PCDH15: variants seen among roughly 807,000 people sequenced by gnomAD.
The protein encoded by PCDH15 is protocadherin related 15.
PCDH15 carries 129 observed loss-of-function variants against 178.5 expected under a neutral mutation model. The observed-to-expected ratio is 0.72, with a 90% CI of 0.63 to 0.84. The LOEUF is 0.84. Ranked by LOEUF, PCDH15 falls within the 40% of genes least tolerant of loss-of-function variation. PCDH15 has a pLI of 0.00. For missense variants in PCDH15, 2,230 were observed against 2,099.9 expected, an observed-to-expected ratio of 1.06 and a Z score of -1.21; for synonymous variants, 800 against 732.0, an observed-to-expected ratio of 1.09 and a Z score of -1.50.
At chr10:54,368,754 T>C (rs901222922) in intron 5 of PCDH15, among the ~76,000 whole-genome samples, 2 of 151,974 alleles carry the variant, frequency 1.3e-5, no homozygotes, top group African/African-American at 4.8e-5. Flanking sequence ...AGTATTTAAT[T>C]AGTATGACCA....
At chr10:55,405,283 G>GATATAT (rs72121105) in intron 2 of PCDH15, among the ~76,000 whole-genome samples, 1,643 of 108,086 alleles carry the variant, frequency 0.015, 100 homozygotes, top group African/African-American at 0.053. Flanking sequence ...TGAGGTAACA[G>GATATAT]ATATATATAT....
intron 2 of PCDH15, among the ~76,000 whole-genome samples, chr10:55,592,515 G>T (rs963431871): frequency 5.9e-5 from 9 of 152,262 alleles, no homozygotes; most frequent in African/African-American, 1.9e-4. Flanking sequence ...ATAGGACTAG[G>T]AATGATACCA....
intron 3 of PCDH15, among the ~76,000 whole-genome samples, chr10:54,395,534 C>T (rs115401538): frequency 0.026 from 3,999 of 151,422 alleles, 169 homozygotes; most frequent in African/African-American, 0.09. Flanking sequence ...CCTTGAATAA[C>T]ATAGTCATTT....
At chr10:54,306,999 AATATATATATATATACAT>A (rs1564920801) in intron 8 of PCDH15, among the ~76,000 whole-genome samples, 1 of 99,586 alleles carries the variant, frequency 1.0e-5, no homozygotes, top group Non-Finnish European at 2.1e-5. Context: ...TTTGAAATTA[AATATATATATATATACAT>A]ATATATATAT....
chr10:54,968,275 A>G (rs550465951), intron 2 of PCDH15, among the ~76,000 whole-genome samples: 12 of 152,260 alleles, frequency 7.9e-5, no homozygotes, highest in African/African-American at 2.9e-4. Context: ...GAAATGTTCA[A>G]TGCAAAATTT....
intron 2 of PCDH15, among the ~76,000 whole-genome samples, chr10:55,351,566 C>T (rs1588944796): frequency 6.6e-6 from 1 of 152,054 alleles, no homozygotes; most frequent in African/African-American, 2.4e-5. Context: ...TTATAATCCC[C>T]TTTTTGTTTC....
chr10:54,773,241 C>T (rs1440213772), intron 1 of PCDH15, among the ~76,000 whole-genome samples: 1 of 152,036 alleles, frequency 6.6e-6, no homozygotes, highest in Non-Finnish European at 1.5e-5. Context: ...GCACATGTAC[C>T]CCGAACTTAA....
At chr10:55,472,735 A>C (rs1458973964) in intron 2 of PCDH15, among the ~76,000 whole-genome samples, 1 of 151,942 alleles carries the variant, frequency 6.6e-6, no homozygotes, top group African/African-American at 2.4e-5. Context: ...CGCCCGGCTA[A>C]TTTTTTGTGT....
intron 2 of PCDH15, among the ~76,000 whole-genome samples, chr10:55,118,641 T>C (rs568010231): frequency 6.6e-6 from 1 of 152,212 alleles, no homozygotes; most frequent in Non-Finnish European, 1.5e-5. Context: ...TACTCAGTAT[T>C]TGAAGTGCTA....
intron 2 of PCDH15, among the ~76,000 whole-genome samples, chr10:54,925,045 C>A (rs1018080991): frequency 2.6e-5 from 4 of 152,094 alleles, no homozygotes; most frequent in Non-Finnish European, 5.9e-5. Flanking sequence ...ATGGTATTGC[C>A]AAGGTTGTCT....
rs924563609 is a variant in PCDH15, at chr10:55,101,763, T to C, written c.-80+64813A>G. On this transcript the variant is annotated intron_variant, in intron 2 of 5. Transcript: ENST00000458638. The stretch of plus-strand genomic sequence containing the variant: ...ATATATAATAAATATATTTTGCATA[T>C]ATATATTTCCCTTAATTTTCAGTTT... Among the ~76,000 whole-genome samples, 5 of 151,550 alleles carry C rather than the reference T, an allele frequency of 3.3e-5. No individual in the cohort carries two copies. The East Asian group carries it at 9.7e-4, about 29-fold the overall frequency.
intron 26 of PCDH15, among the ~76,000 whole-genome samples, chr10:53,898,126 C>A (rs1251732994): frequency 7.2e-6 from 1 of 138,804 alleles, no homozygotes; most frequent in Non-Finnish European, 1.5e-5. Flanking sequence ...ACCACCACGC[C>A]TGGCTAATTT....
chr10:54,331,387 C>T (rs1180001759), intron 6 of PCDH15, among the ~76,000 whole-genome samples: 2 of 151,756 alleles, frequency 1.3e-5, no homozygotes, highest in Non-Finnish European at 2.9e-5. Flanking sequence ...TGTAATGGGC[C>T]TTGCAAATCG....
chr10:54,086,785 C>A (rs1213617019), intron 16 of PCDH15, among the ~76,000 whole-genome samples: 1 of 152,148 alleles, frequency 6.6e-6, no homozygotes, highest in Non-Finnish European at 1.5e-5. Flanking sequence ...TTCCTGGAAG[C>A]AGTTTGTGTC....
At chr10:55,424,334 C>A (rs1838699198) in intron 2 of PCDH15, among the ~76,000 whole-genome samples, 1 of 152,092 alleles carries the variant, frequency 6.6e-6, no homozygotes, top group South Asian at 2.1e-4. Context: ...CCCTACTTGG[C>A]TTATCTTTCT....
intron 22 of PCDH15, among the ~76,000 whole-genome samples, chr10:53,960,649 G>A (rs1261627361): frequency 6.6e-6 from 1 of 152,140 alleles, no homozygotes; most frequent in African/African-American, 2.4e-5. Context: ...GGAAGCTGCA[G>A]GTTAACAATG....
At chr10:54,532,762 GA>G (rs5785079) in intron 2 of PCDH15, among the ~76,000 whole-genome samples, 28,170 of 145,958 alleles carry the variant, frequency 0.19, 2,888 homozygotes, top group East Asian at 0.31. Flanking sequence ...TTATAACAAT[GA>G]AAAAAAAAAA....
At chr10:54,901,111 A>AAAG (rs3072770) in intron 2 of PCDH15, among the ~76,000 whole-genome samples, 110,169 of 151,432 alleles carry the variant, frequency 0.73, 40,527 homozygotes, top group East Asian at 0.89. Context: ...CTCAGAAGTT[A>AAAG]AACAGCCTGG....
chr10:53,913,867 G>A (rs2083326167), intron 25 of PCDH15, among the ~76,000 whole-genome samples: 2 of 152,074 alleles, frequency 1.3e-5, no homozygotes, highest in Admixed American at 1.3e-4. Flanking sequence ...CTACCTATCT[G>A]ACAAAGGGCT....
Sources: allele counts gnomAD v4.1 joint callset (sites outside exome capture counted in the v4.1 genomes callset), GRCh38; gene constraint gnomAD v4.1.1; transcripts MANE v1.5; gene names NCBI Gene and HGNC (gene_info 2026-07-23, HGNC 2026-07-21).